ANKAR: variants seen among roughly 807,000 people sequenced by gnomAD.
ANKAR encodes the protein ankyrin and armadillo repeat containing.
In ANKAR, 136 loss-of-function variants were observed where a neutral mutation model predicts 146.2. That is an observed-to-expected ratio of 0.93 (90% CI 0.81 to 1.07). ANKAR has a LOEUF of 1.07. ANKAR is among the 50% of genes least tolerant of loss of function. The pLI is 0.00. For synonymous variants in ANKAR, 500 were observed against 575.8 expected, an observed-to-expected ratio of 0.87 and a Z score of 1.88; for missense variants, 1,567 against 1,679.9, an observed-to-expected ratio of 0.93 and a Z score of 1.18.
chr2:189,692,515 G>C, intron 4 of ANKAR, 97 bp downstream of exon 4: 1 of 1,055,336 alleles, frequency 9.5e-7, no homozygotes, highest in Non-Finnish European at 1.3e-6. Context: ...GCACTCGACA[G>C]CTCTCCAAAT....
downstream of ANKAR, chr2:189,750,385 C>A: frequency 2.5e-6 from 1 of 402,312 alleles, no homozygotes; most frequent in East Asian, 4.5e-5. Context: ...AAGAAAAAAA[C>A]TATCTTCCCT....
chr2:189,728,394 C>T lies in ANKAR; in HGVS notation c.3005C>T (p.Ser1002Leu), dbSNP rs2042084077. ...AGCTTTATAATAAATATGCTTTTGT[C>T]ACCATCAGCTAAAATGCAGTATGTT... is the stretch of plus-strand genomic sequence containing the variant. ...GYSFIINMLL[S>L]PSAKMQYVGG... The change falls in exon 14 of 23, where the codon TCA (serine) becomes TTA (leucine). Residue 1002 changes from serine (S) to leucine (L), a missense_variant. Transcript: ENST00000684021. 1 of 1,601,756 alleles carries T rather than the reference C, an allele frequency of 6.2e-7. No homozygotes were observed. Among genetic ancestry groups the T allele is most frequent in the Non-Finnish European group, 8.5e-7 (1 of 1,176,990 alleles).
chr2:189,754,181 G>A (rs781360329), intron 18 of ANKAR: 34 of 1,613,622 alleles, frequency 2.1e-5, no homozygotes, highest in Non-Finnish European at 2.5e-5. Context: ...TATCAGTAAC[G>A]TGTTGAAGTC....
At chr2:189,751,335 G>A (rs1478746695), downstream of ANKAR, among the ~76,000 whole-genome samples, 1 of 152,112 alleles carries the variant, frequency 6.6e-6, no homozygotes, top group Non-Finnish European at 1.5e-5. Flanking sequence ...GGTATCAAAG[G>A]GATGCCTTCC....
At position 189,676,588 on chromosome 2, in the gene ANKAR, CT is replaced by C. The variant is rs543497565; in HGVS notation, c.105del (p.Phe35LeufsTer13). On this transcript the variant is annotated frameshift_variant, in exon 2 of 23. Transcript: ENST00000684021. LOFTEE classifies it high-confidence loss of function. The part of the protein sequence containing the change: ...ENLAIQRNAS[A>X]FFEKYDRSEI... ...TTAGCAATACAAAGAAATGCATCTG[CT>C]TTTTTTGAAAAATATGATCGGAGTG... The C allele has an allele frequency of 6.2e-7, 1 of 1,612,640 alleles. No homozygotes were observed. Among genetic ancestry groups the C allele is most frequent in the Admixed American group, 1.7e-5 (1 of 59,984 alleles).
chr2:189,744,670 AC>A, intron 21 of ANKAR, 71 bp from the exon 22 acceptor site: 1 of 1,106,172 alleles, frequency 9.0e-7, no homozygotes, highest in Non-Finnish European at 1.3e-6. Context: ...GTCTTCATAT[AC>A]TTCTTCATAT....
chr2:189,733,288 C>G, intron 17 of ANKAR, 59 bp downstream of exon 17: 2 of 1,385,846 alleles, frequency 1.4e-6, no homozygotes, highest in Admixed American at 2.3e-5. Context: ...TATACCACAT[C>G]TTCAAATTAT....
Position 189,728,760 on chromosome 2 carries a change from TAG to T in ANKAR, c.3133_3134del (p.Ser1045TyrfsTer4). 1 of 1,614,038 alleles carries T rather than the reference TAG, an allele frequency of 6.2e-7. No homozygotes were observed. The highest frequency in any genetic ancestry group is 8.5e-7 in the Non-Finnish European group (1 of 1,179,924). ...IAPLVRLLRI[S>X]TIAEGTLLSV... is the part of the protein sequence containing the mutation. ...CACCATTGGTTCGCTTACTAAGAAT[TAG>T]TACGATTGCTGAAGGCACACTTCTC... On this transcript the variant is annotated frameshift_variant, in exon 15 of 23. Transcript: ENST00000684021. LOFTEE classifies it high-confidence loss of function.
At chr2:189,704,563 A>G (rs1445499213) in intron 7 of ANKAR, among the ~76,000 whole-genome samples, 2 of 88,264 alleles carry the variant, frequency 2.3e-5, no homozygotes, top group Non-Finnish European at 4.3e-5. Flanking sequence ...ATATATATAT[A>G]TATATATATA....
rs779641097 is a variant in ANKAR, at chr2:189,741,444, T to C, written c.3803T>C (p.Ile1268Thr). The change falls in exon 20 of 23, where the codon ATA becomes ACA. Residue 1268 changes from isoleucine (I) to threonine (T), a missense_variant. Coordinates refer to ENST00000684021, the MANE Select transcript of ANKAR (RefSeq NM_001378068.1). Reference sequence around the variant, plus strand: ...CTCTGCTATCATTTGTACTCGGGAATAGAAGAGGTAAAAACAAGCAAAAAC... The same window carrying C: ...CTCTGCTATCATTTGTACTCGGGAACAGAAGAGGTAAAAACAAGCAAAAAC... The part of the protein sequence containing the change: ...QRLCYHLYSG[I>T]EEVRAACSSA... 9.4e-6 allele frequency: 15 copies of C among 1,597,932 alleles called. No homozygotes were observed. Among genetic ancestry groups the C allele is most frequent in the East Asian group, 2.3e-5 (1 of 44,392 alleles).
At chr2:189,683,935 G>A in intron 2 of ANKAR, among the ~76,000 whole-genome samples, 1 of 152,138 alleles carries the variant, frequency 6.6e-6, no homozygotes, top group East Asian at 1.9e-4. Flanking sequence ...CAAACCACCA[G>A]CAACATCATT....
chr2:189,677,697 G>T (rs1031206614), intron 2 of ANKAR, among the ~76,000 whole-genome samples: 1 of 147,092 alleles, frequency 6.8e-6, no homozygotes, highest in Non-Finnish European at 1.5e-5. Flanking sequence ...CTTTTTTGGA[G>T]ATGGGGTCTC....
At chr2:189,680,116 C>T (rs1331923332) in intron 2 of ANKAR, among the ~76,000 whole-genome samples, 1 of 152,092 alleles carries the variant, frequency 6.6e-6, no homozygotes, top group Non-Finnish European at 1.5e-5. Flanking sequence ...TTGTTTCAAG[C>T]TCTCTACTTG....
intron 8 of ANKAR, among the ~76,000 whole-genome samples, chr2:189,705,678 G>A (rs1243737164): frequency 3.3e-5 from 5 of 152,162 alleles, no homozygotes; most frequent in South Asian, 2.1e-4. Flanking sequence ...AGATCAAAGC[G>A]GATGGACTTT....
Position 189,730,569 on chromosome 2 carries a change from C to T in ANKAR, c.3268C>T (p.Leu1090=), listed in dbSNP as rs1239828664. ...AAATGCCTTTCCAGTACTTATCCAA[C>T]TACTAAGAAATCACCCTTCTCCTAA... ...DENAFPVLIQ[L]LRNHPSPNIK... Residue 1090 remains leucine (L), a synonymous_variant, in exon 16 of 23, where the codon CTA becomes TTA. Transcript: ENST00000684021. 1 of 1,599,478 alleles carries T rather than the reference C, an allele frequency of 6.3e-7. No individual in the cohort carries two copies. Among genetic ancestry groups the T allele is most frequent in the Non-Finnish European group, 8.5e-7 (1 of 1,170,792 alleles).
At chr2:189,724,017 G>C (rs2041599229) in intron 12 of ANKAR, among the ~76,000 whole-genome samples, 3 of 152,134 alleles carry the variant, frequency 2.0e-5, no homozygotes, top group Non-Finnish European at 4.4e-5. Flanking sequence ...ACAACAAAAA[G>C]TGCCAAAAAG....
At chr2:189,714,016 G>C (rs2040069896) in intron 10 of ANKAR, among the ~76,000 whole-genome samples, 2 of 151,762 alleles carry the variant, frequency 1.3e-5, no homozygotes, top group South Asian at 4.2e-4. Context: ...AAGGAGACAA[G>C]GGCATTATAT....
Position 189,752,205 on chromosome 2 carries a change from A to C in ANKAR, c.*584+7417A>C, listed in dbSNP as rs1021331775. Among the ~76,000 whole-genome samples the C allele has an allele frequency of 2.6e-5, 4 of 152,310 alleles. 1 individual carries two copies. The South Asian group carries it at 8.3e-4, about 32-fold the overall frequency. On this transcript the variant is annotated intron_variant and NMD_transcript_variant, in intron 18 of 18. Transcript: ENST00000441800. ...CTGGAACTTTGATTTGGGAGAGGAA[A>C]TAAGGCTTGCAGGAAACAGCTATCT...
chr2:189,693,299 A>C (rs375584276), intron 5 of ANKAR, 122 bp downstream of exon 5: 17 of 635,730 alleles, frequency 2.7e-5, no homozygotes, highest in South Asian at 2.5e-4. Flanking sequence ...CCACAATAAT[A>C]ACCACCATGA....
Sources: allele counts gnomAD v4.1 joint callset (sites outside exome capture counted in the v4.1 genomes callset), GRCh38; gene constraint gnomAD v4.1.1; transcripts MANE v1.5; gene names NCBI Gene and HGNC (gene_info 2026-07-23, HGNC 2026-07-21).